SNTG1: variants seen among roughly 807,000 people sequenced by gnomAD.
The protein encoded by SNTG1 is gamma-1-syntrophin.
SNTG1 carries 39 observed loss-of-function variants against 74.7 expected under a neutral mutation model. The ratio of observed to expected loss-of-function variants is 0.52; its 90% confidence interval spans 0.40 to 0.68. SNTG1 has a LOEUF of 0.68. Among genes scored for constraint, SNTG1 ranks in the 30% least tolerant of loss-of-function variants. The pLI is 0.00. For synonymous variants in SNTG1, 254 were observed against 217.1 expected (o/e 1.17, Z -1.49); for missense variants, 685 against 609.5 (o/e 1.12, Z -1.30).
chr8:50,589,169 A>G (rs1391955249), intron 12 of SNTG1, among the ~76,000 whole-genome samples: 2 of 152,194 alleles, frequency 1.3e-5, no homozygotes, highest in Non-Finnish European at 2.9e-5. Flanking sequence ...AATGTTATGT[A>G]ATAAACCATT....
chr8:50,205,087 T>TA (rs1447291381), intron 2 of SNTG1, among the ~76,000 whole-genome samples: 2 of 152,198 alleles, frequency 1.3e-5, no homozygotes, highest in African/African-American at 4.8e-5. Context: ...ATACACCCAG[T>TA]AATGAGATGG....
chr8:50,261,650 T>C (rs2087198768), intron 2 of SNTG1, among the ~76,000 whole-genome samples: 2 of 152,124 alleles, frequency 1.3e-5, no homozygotes, highest in South Asian at 4.1e-4. Context: ...AAATTGGGAA[T>C]ATTTTCTATT....
chr8:50,046,023 C>A (rs1376199179), intron 1 of SNTG1, among the ~76,000 whole-genome samples: 1 of 152,178 alleles, frequency 6.6e-6, no homozygotes, highest in Non-Finnish European at 1.5e-5. Flanking sequence ...TACTCAACTC[C>A]ATGATTTTAG....
At chr8:50,138,003 C>A (rs1172833811) in intron 1 of SNTG1, among the ~76,000 whole-genome samples, 1 of 152,106 alleles carries the variant, frequency 6.6e-6, no homozygotes, top group African/African-American at 2.4e-5. Flanking sequence ...TGGGATCAAG[C>A]CAATATCTTT....
At chr8:50,024,009 G>A (rs1303326628) in intron 1 of SNTG1, among the ~76,000 whole-genome samples, 1 of 152,098 alleles carries the variant, frequency 6.6e-6, no homozygotes, top group Non-Finnish European at 1.5e-5. Context: ...ACCATTGCTA[G>A]GCTTTACTGT....
chr8:49,922,832 A>C (rs1041297598), intron 1 of SNTG1, among the ~76,000 whole-genome samples: 1 of 152,092 alleles, frequency 6.6e-6, no homozygotes, highest in African/African-American at 2.4e-5. Context: ...AAATGGGATA[A>C]TTTATTTCTG....
chr8:50,329,450 A>C (rs921404085), intron 2 of SNTG1, among the ~76,000 whole-genome samples: 1 of 152,128 alleles, frequency 6.6e-6, no homozygotes, highest in African/African-American at 2.4e-5. Context: ...GAGGTTCCCA[A>C]ACCTCAATTC....
intron 1 of SNTG1, among the ~76,000 whole-genome samples, chr8:50,005,955 CTTTTTTTTTTTTTTTT>C (rs57041850): frequency 2.2e-5 from 2 of 89,398 alleles, no homozygotes; most frequent in South Asian, 7.8e-4. Context: ...ATTACTTGCA[CTTTTTTTTTTTTTTTT>C]TTTTTTTTTT....
chr8:50,295,721 G>T (rs2089331922), intron 2 of SNTG1, among the ~76,000 whole-genome samples: 1 of 152,178 alleles, frequency 6.6e-6, no homozygotes. Flanking sequence ...GTCAGCATTT[G>T]CTTGGCTATT....
intron 1 of SNTG1, among the ~76,000 whole-genome samples, chr8:49,946,005 T>C (rs1161678947): frequency 2.0e-5 from 3 of 152,200 alleles, no homozygotes; most frequent in Non-Finnish European, 4.4e-5. Context: ...TAGGTTTTAC[T>C]AACTAGGAAA....
chr8:50,017,583 T>C (rs1052723004), intron 1 of SNTG1, among the ~76,000 whole-genome samples: 3 of 151,836 alleles, frequency 2.0e-5, no homozygotes, highest in Non-Finnish European at 2.9e-5. Flanking sequence ...GGAAAAGATA[T>C]ACAAGGCAAG....
chr8:50,224,306 A>C (rs910549274), intron 2 of SNTG1, among the ~76,000 whole-genome samples: 3 of 152,196 alleles, frequency 2.0e-5, no homozygotes, highest in African/African-American at 7.2e-5. Flanking sequence ...TTTTTCAAGC[A>C]CTATCATACT....
intron 2 of SNTG1, among the ~76,000 whole-genome samples, chr8:50,329,563 T>C (rs1387668551): frequency 2.0e-5 from 3 of 152,052 alleles, no homozygotes; most frequent in East Asian, 3.9e-4. Flanking sequence ...TGACCCCTTT[T>C]AGCCACACTA....
At chr8:50,523,204 G>C (rs1474964013) in intron 9 of SNTG1, among the ~76,000 whole-genome samples, 10 of 152,130 alleles carry the variant, frequency 6.6e-5, no homozygotes, top group Admixed American at 6.6e-4. Flanking sequence ...AGGGAATGCT[G>C]TGGATGGATT....
intron 15 of SNTG1, among the ~76,000 whole-genome samples, chr8:50,687,120 C>G (rs1411615813): frequency 7.1e-6 from 1 of 140,768 alleles, no homozygotes; most frequent in Non-Finnish European, 1.5e-5. Flanking sequence ...CCGGCCTGGG[C>G]GACAGAGCGA....
At chr8:50,138,888 A>G (rs2081568387) in intron 1 of SNTG1, among the ~76,000 whole-genome samples, 1 of 152,058 alleles carries the variant, frequency 6.6e-6, no homozygotes, top group South Asian at 2.1e-4. Flanking sequence ...TTTATATGAT[A>G]TACAGTGTAT....
At chr8:50,615,582 C>T (rs1288932681) in intron 13 of SNTG1, among the ~76,000 whole-genome samples, 1 of 152,156 alleles carries the variant, frequency 6.6e-6, no homozygotes, top group Non-Finnish European at 1.5e-5. Context: ...GCCATAGGAA[C>T]TCTACAAAAG....
chr8:50,712,799 T>C (rs1285641552), intron 17 of SNTG1, among the ~76,000 whole-genome samples: 1 of 152,104 alleles, frequency 6.6e-6, no homozygotes, highest in African/African-American at 2.4e-5. Context: ...ATGATGGTTT[T>C]CAGCTTCATC....
At chr8:50,410,070 C>T (rs1208871979) in intron 4 of SNTG1, among the ~76,000 whole-genome samples, 1 of 152,190 alleles carries the variant, frequency 6.6e-6, no homozygotes, top group African/African-American at 2.4e-5. Flanking sequence ...CTGAAGATGA[C>T]TTTAAGAGAA....
Sources: allele counts gnomAD v4.1 joint callset (sites outside exome capture counted in the v4.1 genomes callset), GRCh38; gene constraint gnomAD v4.1.1; transcripts MANE v1.5; gene names NCBI Gene and HGNC (gene_info 2026-07-23, HGNC 2026-07-21).